Variants in KIF1A observed in about 807,000 individuals in gnomAD.
The protein encoded by KIF1A is kinesin-like protein KIF1A.
A neutral mutation model predicts 227.3 loss-of-function variants in KIF1A; 46 were observed. The observed-to-expected ratio is 0.20, with a 90% CI of 0.16 to 0.26. KIF1A has a LOEUF of 0.26. Among genes scored for constraint, KIF1A ranks in the 10% least tolerant of loss-of-function variants. The pLI is 1.00. For synonymous variants in KIF1A, 1,022 were observed against 1,012.8 expected, an observed-to-expected ratio of 1.01 and a Z score of -0.17; for missense variants, 1,683 against 2,485.9, an observed-to-expected ratio of 0.68 and a Z score of 6.87.
At chr2:240,805,064 G>T (rs2057277879) in intron 1 of KIF1A, among the ~76,000 whole-genome samples, 1 of 52,414 alleles carries the variant, frequency 1.9e-5, no homozygotes, top group African/African-American at 1.2e-4. Context: ...GAGAGGGGAG[G>T]GAGAGGGCAG....
At chr2:240,741,189 A>G in intron 35 of KIF1A, 80 bp downstream of exon 35, 2 of 933,368 alleles carry the variant, frequency 2.1e-6, no homozygotes, top group East Asian at 2.7e-5. Context: ...GGCAACCCTC[A>G]GGCAGCTCAA....
Position 240,758,643 on chromosome 2 carries a change from T to C in KIF1A, c.2445-146A>G. ...GGTCATCAAGGTCCAGGGGGCTTGC[T>C]AGACAGACCCCCTCTGTGACCCTTA... On this transcript the variant is annotated intron_variant, in intron 25 of 48. Transcript: ENST00000498729. This position sits in a 1 kb window ranked among gnomAD's most constrained non-coding sequence, Gnocchi z 5.2. 1.3e-6 allele frequency: 1 copy of C among 771,760 alleles called. No homozygotes were observed. Among genetic ancestry groups the C allele is most frequent in the Non-Finnish European group, 1.9e-6 (1 of 533,236 alleles). 47.8% of individuals were successfully genotyped at this position (771,760 alleles called of 1,614,324 possible). A position where few individuals can be genotyped will look rare whatever the true frequency, so the allele number is the denominator to read the frequency against.
Position 240,775,932 on chromosome 2 carries a change from G to C in KIF1A, c.883-6C>G, listed in dbSNP as rs2052666511. 1.9e-6 allele frequency: 3 copies of C among 1,598,794 alleles called. No homozygotes were observed. The highest frequency in any genetic ancestry group is 2.7e-5 in the African/African-American group (2 of 74,620). The stretch of plus-strand genomic sequence containing the variant: ...GTCTTCTTCTTTTTCTTGTTCTGTG[G>C]GGGAGGAACATTCAAGGTCAAGCCC... On this transcript the variant is annotated splice_region_variant and splice_polypyrimidine_tract_variant and intron_variant, in intron 10 of 48. Transcript: ENST00000498729. The surrounding 1 kb of genome is among the most constrained non-coding windows in gnomAD (Gnocchi z 5.5).
chr2:240,817,212 G>T (rs908132059), intron 1 of KIF1A, among the ~76,000 whole-genome samples: 4 of 152,232 alleles, frequency 2.6e-5, no homozygotes, highest in African/African-American at 9.6e-5. Flanking sequence ...GCCTGGCTGT[G>T]TCCCTGGGTA....
At chr2:240,744,515 G>A (rs976874608) in intron 32 of KIF1A, among the ~76,000 whole-genome samples, 1 of 152,172 alleles carries the variant, frequency 6.6e-6, no homozygotes, top group Non-Finnish European at 1.5e-5. Context: ...CAGAGAAAAC[G>A]GAGTTAACGA....
At chr2:240,723,599 T>C in intron 41 of KIF1A, 41 bp from the exon 42 acceptor site, 1 of 1,504,126 alleles carries the variant, frequency 6.6e-7, no homozygotes, top group Non-Finnish European at 8.9e-7. Context: ...ACCTGATGGG[T>C]GGCTGCTCCT....
chr2:240,806,905 C>G (rs1280977558), intron 1 of KIF1A, among the ~76,000 whole-genome samples: 2 of 152,032 alleles, frequency 1.3e-5, no homozygotes, highest in African/African-American at 4.8e-5. Flanking sequence ...TATACAAACT[C>G]TTTATGAGAA....
rs1298569378 is a variant in KIF1A, at chr2:240,731,066, C to T, written c.4008-4126G>A. 2.0e-5 allele frequency among the ~76,000 whole-genome samples: 3 copies of T among 152,318 alleles called. No individual in the cohort carries two copies. The East Asian group carries it at 5.8e-4, about 29-fold the overall frequency. On this transcript the variant is annotated intron_variant, in intron 38 of 48. Coordinates refer to ENST00000498729, the MANE Select transcript of KIF1A (RefSeq NM_001244008.2). ...TGTACAGCTGGGAAGGCTGATGTTG[C>T]CCTTTAAAGCTCGAAACCTGGCCTG...
chr2:240,780,822 A>C (rs1559522515), intron 10 of KIF1A, among the ~76,000 whole-genome samples: 1 of 95,628 alleles, frequency 1.0e-5, no homozygotes, highest in Admixed American at 9.9e-5. Flanking sequence ...ACACACACAC[A>C]CACAGCTCCA....
At chr2:240,743,722 A>G (rs1029173120) in intron 33 of KIF1A, among the ~76,000 whole-genome samples, 1 of 152,128 alleles carries the variant, frequency 6.6e-6, no homozygotes, top group East Asian at 1.9e-4. Flanking sequence ...GCTCACAAGG[A>G]ACTCTCTGCA....
At chr2:240,774,092 G>T in intron 12 of KIF1A, 91 bp downstream of exon 12, 1 of 786,212 alleles carries the variant, frequency 1.3e-6, no homozygotes, top group Non-Finnish European at 2.1e-6. Context: ...AGTCGCCCCT[G>T]GTCACTGGTG....
intron 10 of KIF1A, among the ~76,000 whole-genome samples, chr2:240,780,079 C>T (rs1559521639): frequency 2.0e-5 from 3 of 152,110 alleles, no homozygotes; most frequent in African/African-American, 4.8e-5. Flanking sequence ...CTCAGGCCCC[C>T]GCGAGTTCCT....
intron 34 of KIF1A, among the ~76,000 whole-genome samples, 153 bp downstream of exon 34, chr2:240,742,776 G>A (rs1057510305): frequency 6.6e-6 from 1 of 152,158 alleles, no homozygotes; most frequent in South Asian, 2.1e-4. Flanking sequence ...TGGGGACCCC[G>A]TGAGGCCTGA....
chr2:240,759,163 G>A (rs963186885), intron 25 of KIF1A, among the ~76,000 whole-genome samples: 1 of 151,590 alleles, frequency 6.6e-6, no homozygotes, highest in African/African-American at 2.4e-5. Flanking sequence ...GTGTGTGTGT[G>A]TGTGTTTGCA....
At chr2:240,760,425 G>C (rs191284304) in intron 25 of KIF1A, among the ~76,000 whole-genome samples, 13 of 152,244 alleles carry the variant, frequency 8.5e-5, no homozygotes, top group African/African-American at 3.1e-4. Flanking sequence ...CCTTTCCTCC[G>C]AAAGAAAATG....
intron 33 of KIF1A, among the ~76,000 whole-genome samples, chr2:240,743,504 C>T (rs1437080940): frequency 6.6e-6 from 1 of 152,212 alleles, no homozygotes; most frequent in Non-Finnish European, 1.5e-5. Flanking sequence ...GCCCCAGCCC[C>T]GCAAGTCTCT....
intron 44 of KIF1A, 43 bp from the exon 45 acceptor site, chr2:240,721,081 G>T (rs557881323): frequency 4.4e-6 from 7 of 1,606,720 alleles, no homozygotes; most frequent in Admixed American, 1.7e-5. Flanking sequence ...GGGAAGGGGG[G>T]TCTCCGGCCT....
In KIF1A at chr2:240,775,638, T is replaced by G. The variant is rs1462479003; in HGVS notation, c.958+213A>C. On this transcript the variant is annotated intron_variant, in intron 11 of 48. Transcript: ENST00000498729. The surrounding 1 kb of genome is among the most constrained non-coding windows in gnomAD (Gnocchi z 5.5). Reference sequence around the variant, plus strand: ...GTGCCACCCCCTGGGCTGTCCTGGTTCCCACACTCGCTTCGTTAACCCACT... The same window carrying G: ...GTGCCACCCCCTGGGCTGTCCTGGTGCCCACACTCGCTTCGTTAACCCACT... Among the ~76,000 whole-genome samples the G allele has an allele frequency of 6.6e-6, 1 of 152,142 alleles. No homozygotes were observed. Among genetic ancestry groups the G allele is most frequent in the Non-Finnish European group, 1.5e-5 (1 of 68,016 alleles).
In KIF1A at chr2:240,807,130, G is replaced by GTATATA. The variant is rs57742435; in HGVS notation, c.-60-9324_-60-9319dup. ...TGTGTGTGTGTGTGTGTGTGTGTGT[G>GTATATA]TATATATATATATATATATATACAC... On this transcript the variant is annotated intron_variant, in intron 1 of 48. Coordinates refer to ENST00000498729, the MANE Select transcript of KIF1A (RefSeq NM_001244008.2). Among the ~76,000 whole-genome samples the GTATATA allele has an allele frequency of 1.9e-3, 230 of 119,450 alleles. 1 individual carries two copies. Among genetic ancestry groups the GTATATA allele is most frequent in the African/African-American group, 5.3e-3 (174 of 32,834 alleles). 78.4% of individuals were successfully genotyped at this position (119,450 alleles called of 152,430 possible).
Sources: gnomAD v4.1 joint callset for allele counts (sites outside exome capture counted in the v4.1 genomes callset) on GRCh38, gnomAD v4.1.1 for gene constraint, Gnocchi (gnomAD v3.1) non-coding constraint, MANE v1.5 for transcripts, NCBI Gene and HGNC (gene_info 2026-07-23, HGNC 2026-07-21) for gene names.